Variants in PCDH15 observed in about 807,000 individuals in gnomAD.
PCDH15 encodes the protein protocadherin-15.
Under a neutral mutation model 178.5 loss-of-function variants are expected in PCDH15, and 129 were observed. The observed-to-expected ratio is 0.72, with a 90% confidence interval of 0.63 to 0.84. The LOEUF (loss-of-function observed/expected upper bound fraction) is 0.84. Among genes scored for constraint, PCDH15 ranks in the 40% least tolerant of loss-of-function variants. The pLI is 0.00. For synonymous variants in PCDH15, 800 were observed against 732.0 expected, an observed-to-expected ratio of 1.09 and a Z score of -1.50; for missense variants, 2,230 against 2,099.9, an observed-to-expected ratio of 1.06 and a Z score of -1.21.
At chr10:54,138,720 C>G (rs2043109001) in intron 14 of PCDH15, among the ~76,000 whole-genome samples, 1 of 152,138 alleles carries the variant, frequency 6.6e-6, no homozygotes, top group African/African-American at 2.4e-5. Flanking sequence ...GCCATGAAAA[C>G]TATTCTACCC....
chr10:54,398,636 A>G (rs1389470345), intron 3 of PCDH15, among the ~76,000 whole-genome samples: 5 of 152,028 alleles, frequency 3.3e-5, no homozygotes, highest in Non-Finnish European at 7.4e-5. Flanking sequence ...GCCCCCCAAC[A>G]TAGTATCTTA....
At chr10:54,873,678 G>A (rs1954081201) in intron 3 of PCDH15, among the ~76,000 whole-genome samples, 2 of 130,682 alleles carry the variant, frequency 1.5e-5, no homozygotes, top group Admixed American at 1.7e-4. Flanking sequence ...TAAAAAATCT[G>A]AAGAAACTGC....
chr10:54,848,274 T>C (rs1953548200), intron 3 of PCDH15, among the ~76,000 whole-genome samples: 1 of 151,268 alleles, frequency 6.6e-6, no homozygotes, highest in African/African-American at 2.4e-5. Flanking sequence ...TCCCAGCTAC[T>C]TGGGAGGCTG....
chr10:54,262,354 A>AGG (rs1418103544), intron 8 of PCDH15, among the ~76,000 whole-genome samples: 2 of 152,152 alleles, frequency 1.3e-5, no homozygotes, highest in Non-Finnish European at 2.9e-5. Flanking sequence ...TGCGTGATTA[A>AGG]GGTACATCTG....
At chr10:54,159,403 G>A (rs1389469437) in intron 13 of PCDH15, among the ~76,000 whole-genome samples, 1 of 152,062 alleles carries the variant, frequency 6.6e-6, no homozygotes, top group Admixed American at 6.6e-5. Context: ...CTAAGACTGA[G>A]ACCCATACAG....
At chr10:53,874,507 T>C (rs920503623) in intron 26 of PCDH15, among the ~76,000 whole-genome samples, 2 of 152,108 alleles carry the variant, frequency 1.3e-5, no homozygotes, top group African/African-American at 4.8e-5. Flanking sequence ...TAAAGTCTAA[T>C]AGGCCTGATC....
intron 2 of PCDH15, among the ~76,000 whole-genome samples, chr10:55,450,849 C>T (rs1208388583): frequency 6.6e-6 from 1 of 151,612 alleles, no homozygotes; most frequent in African/African-American, 2.4e-5. Context: ...TCACCTATCA[C>T]CTCTAATCCT....
intron 30 of PCDH15, among the ~76,000 whole-genome samples, chr10:53,829,599 G>C (rs76497245): frequency 0.018 from 2,699 of 152,256 alleles, 93 homozygotes; most frequent in African/African-American, 0.062. Flanking sequence ...ATCAGCTTTA[G>C]ATTTAGCATA....
intron 26 of PCDH15, among the ~76,000 whole-genome samples, chr10:53,887,614 C>T (rs1020237805): frequency 7.9e-5 from 12 of 152,280 alleles, no homozygotes; most frequent in African/African-American, 1.4e-4. Context: ...ACAGGTCGGG[C>T]ACGGTGGCTC....
chr10:54,814,096 A>G (rs1024909316), intron 3 of PCDH15, among the ~76,000 whole-genome samples: 1 of 152,218 alleles, frequency 6.6e-6, no homozygotes, highest in Non-Finnish European at 1.5e-5. Flanking sequence ...AAAATCTCAA[A>G]TATCATAAGC....
chr10:55,345,829 T>A (rs1468362428), intron 2 of PCDH15, among the ~76,000 whole-genome samples: 1 of 152,072 alleles, frequency 6.6e-6, no homozygotes, highest in East Asian at 1.9e-4. Context: ...TATACATATA[T>A]GTAAGTCAAA....
At chr10:55,188,487 A>G in intron 1 of PCDH15, among the ~76,000 whole-genome samples, 1 of 151,958 alleles carries the variant, frequency 6.6e-6, no homozygotes, top group East Asian at 1.9e-4. Flanking sequence ...TAATGCCGTC[A>G]TATTCACTTT....
At chr10:54,155,521 T>A (rs866595456) in intron 13 of PCDH15, among the ~76,000 whole-genome samples, 5 of 151,988 alleles carry the variant, frequency 3.3e-5, no homozygotes, top group African/African-American at 1.2e-4. Flanking sequence ...AAATAATGGG[T>A]TATGAGTCAA....
chr10:55,184,897 T>C (rs1415914495), intron 1 of PCDH15, among the ~76,000 whole-genome samples: 19 of 151,870 alleles, frequency 1.3e-4, no homozygotes, highest in African/African-American at 3.9e-4. Context: ...AAATAGAAAA[T>C]GAGTTAAACT....
intron 1 of PCDH15, among the ~76,000 whole-genome samples, chr10:54,752,425 T>C (rs534461647): frequency 6.6e-4 from 97 of 146,464 alleles, no homozygotes; most frequent in South Asian, 1.9e-3. Context: ...TGCAGTGAGC[T>C]GAGATCACGC....
Position 55,547,910 on chromosome 10 carries a change from TGAGAGAGAGAGA to T in PCDH15, c.-156+79703_-156+79714del, listed in dbSNP as rs763752387. ...TGGTGTGTGTGTCTGTGTGTGTGTG[TGAGAGAGAGAGA>T]GAGAGAGAGAGAGAGAGAGAGAGAG... On this transcript the variant is annotated intron_variant, in intron 2 of 5. Coordinates refer to the PCDH15 transcript ENST00000613346. Among the ~76,000 whole-genome samples the T allele has an allele frequency of 2.8e-3, 154 of 54,534 alleles. 1 individual carries two copies. Among genetic ancestry groups the T allele is most frequent in the African/African-American group, 0.011 (136 of 12,406 alleles). The allele number at this position is 54,534 out of a possible 152,430, so 35.8% of individuals were successfully genotyped here. A position where few individuals can be genotyped will look rare whatever the true frequency, so the allele number is the denominator to read the frequency against.
At chr10:55,580,945 T>C (rs1195106055) in intron 2 of PCDH15, among the ~76,000 whole-genome samples, 1 of 152,184 alleles carries the variant, frequency 6.6e-6, no homozygotes, top group Non-Finnish European at 1.5e-5. Flanking sequence ...GAGGAAATAG[T>C]TCTCCCCCTT....
intron 1 of PCDH15, among the ~76,000 whole-genome samples, chr10:55,315,467 A>C (rs934242316): frequency 2.0e-5 from 3 of 152,122 alleles, no homozygotes; most frequent in African/African-American, 7.2e-5. Context: ...CAGTTTATTA[A>C]TAGTCTATAT....
At chr10:55,387,301 G>A (rs1333058415) in intron 2 of PCDH15, among the ~76,000 whole-genome samples, 3 of 152,146 alleles carry the variant, frequency 2.0e-5, no homozygotes, top group African/African-American at 7.2e-5. Flanking sequence ...GAGGCTGAAA[G>A]GGAGGAAACA....
Sources: allele counts gnomAD v4.1 joint callset (sites outside exome capture counted in the v4.1 genomes callset), GRCh38; gene constraint gnomAD v4.1.1; transcripts MANE v1.5; gene names NCBI Gene and HGNC (gene_info 2026-07-23, HGNC 2026-07-21).